CCSER1: variants seen among roughly 807,000 people sequenced by gnomAD.
CCSER1 encodes serine-rich coiled-coil domain-containing protein 1.
In CCSER1, 41 loss-of-function variants were observed where a neutral mutation model predicts 82.0. The ratio of observed to expected loss-of-function variants is 0.50; its 90% CI spans 0.39 to 0.65. CCSER1 has a LOEUF of 0.65. CCSER1 is among the 30% of genes least tolerant of loss of function. The pLI is 0.00. For missense variants in CCSER1, 1,119 were observed against 1,064.2 expected, an observed-to-expected ratio of 1.05 and a Z score of -0.72; for synonymous variants, 414 against 383.9, an observed-to-expected ratio of 1.08 and a Z score of -0.92.
chr4:90,167,937 G>T (rs1167494019), intron 1 of CCSER1, among the ~76,000 whole-genome samples: 2 of 151,996 alleles, frequency 1.3e-5, no homozygotes, highest in African/African-American at 4.8e-5. Flanking sequence ...ATAAACATAC[G>T]TGTGCATGTG....
chr4:90,348,422 A>G (rs1027810910), intron 3 of CCSER1, among the ~76,000 whole-genome samples: 2 of 152,190 alleles, frequency 1.3e-5, no homozygotes, highest in African/African-American at 4.8e-5. Context: ...ATAAAACCAT[A>G]TTATTCAATT....
intron 10 of CCSER1, among the ~76,000 whole-genome samples, chr4:91,273,957 T>G (rs1454644105): frequency 6.6e-6 from 1 of 152,184 alleles, no homozygotes; most frequent in Non-Finnish European, 1.5e-5. Context: ...AATATCTGAT[T>G]ATTTGTCACT....
At chr4:90,780,276 C>A (rs924137132) in intron 7 of CCSER1, among the ~76,000 whole-genome samples, 1 of 152,076 alleles carries the variant, frequency 6.6e-6, no homozygotes, top group Non-Finnish European at 1.5e-5. Flanking sequence ...AGGAGATAGA[C>A]CAGAATCCTA....
At chr4:90,271,272 C>A (rs1277604488) in intron 1 of CCSER1, among the ~76,000 whole-genome samples, 1 of 152,006 alleles carries the variant, frequency 6.6e-6, no homozygotes, top group Non-Finnish European at 1.5e-5. Flanking sequence ...AACTGCATGG[C>A]ACTGGTGCAA....
chr4:91,596,813 G>A (rs1265662714), intron 10 of CCSER1, among the ~76,000 whole-genome samples: 3 of 151,960 alleles, frequency 2.0e-5, no homozygotes, highest in Non-Finnish European at 2.9e-5. Context: ...GGGGTCTGCT[G>A]TAAGTAGCTT....
intron 10 of CCSER1, among the ~76,000 whole-genome samples, chr4:91,160,971 C>T (rs780283276): frequency 2.2e-4 from 33 of 152,050 alleles, no homozygotes; most frequent in Non-Finnish European, 3.8e-4. Context: ...TCATGAAGTT[C>T]TTTCCCATGC....
At chr4:90,652,137 A>AT (rs1728869008) in intron 6 of CCSER1, among the ~76,000 whole-genome samples, 1 of 152,066 alleles carries the variant, frequency 6.6e-6, no homozygotes, top group Non-Finnish European at 1.5e-5. Context: ...AATATGCAAA[A>AT]TTTTTTCCTG....
intron 1 of CCSER1, among the ~76,000 whole-genome samples, chr4:90,282,378 G>A (rs1402954388): frequency 1.3e-5 from 2 of 151,510 alleles, no homozygotes; most frequent in African/African-American, 4.8e-5. Context: ...TTAAGTAAAA[G>A]TGATATAGAA....
intron 5 of CCSER1, among the ~76,000 whole-genome samples, chr4:90,518,308 G>A (rs1213233731): frequency 6.6e-6 from 1 of 152,088 alleles, no homozygotes; most frequent in Admixed American, 6.5e-5. Flanking sequence ...CCTAAGAACT[G>A]AGTGTGTAAT....
intron 7 of CCSER1, among the ~76,000 whole-genome samples, chr4:90,808,229 C>T (rs1757780647): frequency 6.6e-6 from 1 of 151,844 alleles, no homozygotes; most frequent in South Asian, 2.1e-4. Flanking sequence ...TCACCATGTA[C>T]AAAAATTAAC....
chr4:90,311,634 T>C (rs977209915), intron 2 of CCSER1, among the ~76,000 whole-genome samples: 1 of 152,196 alleles, frequency 6.6e-6, no homozygotes, highest in Non-Finnish European at 1.5e-5. Context: ...TTGTATTTTG[T>C]ATGAAATATT....
chr4:91,238,701 C>A lies in CCSER1; in HGVS notation c.2217+152707C>A, dbSNP rs541818279. Among the ~76,000 whole-genome samples, 21 of 152,188 alleles carry A rather than the reference C, an allele frequency of 1.4e-4. No homozygotes were observed. In the South Asian group the frequency reaches 4.4e-3, roughly 32 times the overall value. On this transcript the variant is annotated intron_variant, in intron 10 of 10. Transcript: ENST00000509176. ...GCCAGTAATTATCCAGTATTGAGTA[C>A]CCATTAGTGGATCTCTGCAGCCATG...
At chr4:90,769,542 G>A (rs1399847324) in intron 7 of CCSER1, among the ~76,000 whole-genome samples, 1 of 152,122 alleles carries the variant, frequency 6.6e-6, no homozygotes, top group African/African-American at 2.4e-5. Context: ...ATTGTTATAG[G>A]CCAGTGGCTT....
intron 10 of CCSER1, among the ~76,000 whole-genome samples, chr4:91,251,150 A>C (rs1740225657): frequency 6.6e-6 from 1 of 152,182 alleles, no homozygotes. Context: ...ACCATAGACT[A>C]GGTAGCTTAA....
At position 91,539,887 on chromosome 4, in the gene CCSER1, A is replaced by T. The variant is rs192074443; in HGVS notation, c.2218-58685A>T. The stretch of plus-strand genomic sequence containing the variant: ...AGAGCTGTTACTTAGAATCCTGATC[A>T]TTTAAGGCCATTCACAGATTGACGA... On this transcript the variant is annotated intron_variant, in intron 10 of 10. Coordinates refer to ENST00000509176, the MANE Select transcript of CCSER1 (RefSeq NM_001145065.2). Among the ~76,000 whole-genome samples the T allele has an allele frequency of 2.0e-5, 3 of 152,180 alleles. No individual in the cohort carries two copies. In the East Asian group the frequency reaches 5.8e-4, roughly 29 times the overall value.
chr4:91,303,399 T>C (rs919574178), intron 10 of CCSER1, among the ~76,000 whole-genome samples: 3 of 152,054 alleles, frequency 2.0e-5, no homozygotes, highest in Admixed American at 6.6e-5. Context: ...TTGGATGGAA[T>C]ACTGGAACAT....
rs565813716 is a variant in CCSER1, at chr4:90,305,976, A to G, written c.-41-2268A>G. On this transcript the variant is annotated intron_variant, in intron 1 of 10. Coordinates refer to ENST00000509176, the MANE Select transcript of CCSER1 (RefSeq NM_001145065.2). ...GATTAAGAAAATGTGGTTTATTTATATAATGAAATGCTATTCAGCCTAAAA... is the reference window on the plus strand; with the variant it reads ...GATTAAGAAAATGTGGTTTATTTATGTAATGAAATGCTATTCAGCCTAAAA... Among the ~76,000 whole-genome samples the G allele has an allele frequency of 4.6e-5, 7 of 152,374 alleles. No individual in the cohort carries two copies. The East Asian group carries it at 1.2e-3, about 25-fold the overall frequency.
intron 9 of CCSER1, among the ~76,000 whole-genome samples, chr4:91,062,789 C>G (rs1434117375): frequency 6.6e-6 from 1 of 152,004 alleles, no homozygotes; most frequent in Non-Finnish European, 1.5e-5. Flanking sequence ...TTTTTGTCAT[C>G]TCACTAAAGA....
intron 10 of CCSER1, among the ~76,000 whole-genome samples, chr4:91,107,437 A>C (rs1345219427): frequency 6.6e-6 from 1 of 151,986 alleles, no homozygotes; most frequent in Non-Finnish European, 1.5e-5. Context: ...TTGTATTTTT[A>C]GTAGAGATGG....
Sources: allele counts gnomAD v4.1 joint callset (sites outside exome capture counted in the v4.1 genomes callset), GRCh38; gene constraint gnomAD v4.1.1; transcripts MANE v1.5; gene names NCBI Gene and HGNC (gene_info 2026-07-23, HGNC 2026-07-21).